SPPL3: variants seen among roughly 807,000 people sequenced by gnomAD.
SPPL3 encodes the protein signal peptide peptidase-like 3.
A neutral mutation model predicts 42.4 loss-of-function variants in SPPL3; 5 were observed. That is an observed-to-expected ratio of 0.12 (90% CI 0.06 to 0.25). The LOEUF (loss-of-function observed/expected upper bound fraction) is 0.25, where lower values mean the gene tolerates loss of function less well. SPPL3 is among the 10% of genes least tolerant of loss of function. SPPL3 has a pLI of 1.00. For missense variants in SPPL3, 235 were observed against 489.0 expected, an observed-to-expected ratio of 0.48 and a Z score of 4.90; for synonymous variants, 195 against 181.8, an observed-to-expected ratio of 1.07 and a Z score of -0.58.
chr12:120,850,661 G>A (rs1872193737), intron 1 of SPPL3, among the ~76,000 whole-genome samples: 1 of 152,220 alleles, frequency 6.6e-6, no homozygotes, highest in Non-Finnish European at 1.5e-5. Flanking sequence ...TACTGCTGCT[G>A]TAGAAATTAC....
intron 2 of SPPL3, among the ~76,000 whole-genome samples, chr12:120,803,973 C>A (rs955028822): frequency 5.9e-5 from 9 of 152,118 alleles, no homozygotes; most frequent in Admixed American, 2.0e-4. Flanking sequence ...CATGGTCTAA[C>A]TACAATTATA....
intron 1 of SPPL3, among the ~76,000 whole-genome samples, chr12:120,853,744 A>T (rs553192756): frequency 6.6e-6 from 1 of 152,272 alleles, no homozygotes; most frequent in Admixed American, 6.5e-5. Context: ...AGAGCCAAGC[A>T]TTCATAAATT....
At position 120,764,603 on chromosome 12, in the gene SPPL3, C is replaced by G. The variant is rs774629890; in HGVS notation, c.*396G>C. 1 of 341,876 alleles carries G rather than the reference C, an allele frequency of 2.9e-6. No individual in the cohort carries two copies. 21.2% of individuals were successfully genotyped at this position (341,876 alleles called of 1,614,324 possible). On this transcript the variant is annotated 3_prime_UTR_variant, in exon 11 of 11. Transcript: ENST00000353487. ...AGTTCTCGAGGGGTCATTGAAGAAA[C>G]TTCGGTTTGCTAATTTTTTTCATCC... is the stretch of plus-strand genomic sequence containing the variant.
chr12:120,813,340 G>A (rs1361927439), intron 1 of SPPL3, among the ~76,000 whole-genome samples: 1 of 143,206 alleles, frequency 7.0e-6, no homozygotes, highest in Non-Finnish European at 1.5e-5. Context: ...TTTTTGAGAC[G>A]GAGTTTCACT....
At chr12:120,842,198 G>T (rs965869908) in intron 1 of SPPL3, among the ~76,000 whole-genome samples, 2 of 152,128 alleles carry the variant, frequency 1.3e-5, no homozygotes, top group African/African-American at 4.8e-5. Flanking sequence ...TAGAAAGTTG[G>T]CATTTTTTAG....
intron 2 of SPPL3, among the ~76,000 whole-genome samples, chr12:120,798,134 G>A (rs1278039014): frequency 6.6e-6 from 1 of 152,128 alleles, no homozygotes; most frequent in African/African-American, 2.4e-5. Context: ...AAAACACAGC[G>A]ACTTTTAGAT....
rs150976149 is a variant in SPPL3, at chr12:120,783,015, T to C, written c.390-248A>G. ...CATTTAGAAGTTTGAAGTGATAATA[T>C]TAACCTCTGGAAAAGCTAATAAGTA... On this transcript the variant is annotated intron_variant, in intron 5 of 10. Transcript: ENST00000353487. Among the ~76,000 whole-genome samples the C allele has an allele frequency of 8.6e-3, 1,310 of 152,314 alleles. 14 individuals carry two copies. The highest frequency in any genetic ancestry group is 0.029 in the African/African-American group (1,221 of 41,564).
At chr12:120,841,159 C>G (rs182273399) in intron 1 of SPPL3, among the ~76,000 whole-genome samples, 23 of 152,092 alleles carry the variant, frequency 1.5e-4, no homozygotes, top group African/African-American at 5.1e-4. Flanking sequence ...AACCCCATCT[C>G]TACTAAAAAT....
At chr12:120,862,356 G>C (rs1872637795) in intron 1 of SPPL3, among the ~76,000 whole-genome samples, 1 of 151,984 alleles carries the variant, frequency 6.6e-6, no homozygotes, top group Non-Finnish European at 1.5e-5. Flanking sequence ...TTACCCAAAG[G>C]TGTCACAGGC....
chr12:120,774,331 A>C (rs574787555), intron 6 of SPPL3, among the ~76,000 whole-genome samples: 3 of 152,162 alleles, frequency 2.0e-5, no homozygotes, highest in Non-Finnish European at 4.4e-5. Flanking sequence ...CTGTTCACAT[A>C]ATTTCCTGCC....
intron 1 of SPPL3, among the ~76,000 whole-genome samples, chr12:120,899,161 C>T (rs1310335352): frequency 6.6e-6 from 1 of 152,174 alleles, no homozygotes; most frequent in Non-Finnish European, 1.5e-5. Flanking sequence ...TAAGGAGAAT[C>T]TTGTAGTTAA....
In SPPL3 at chr12:120,764,186, G is replaced by C. The variant is rs1422402823; in HGVS notation, c.*813C>G. The C allele has an allele frequency of 6.6e-6, 1 of 152,328 alleles. No homozygotes were observed. The highest frequency in any genetic ancestry group is 6.5e-5 in the Admixed American group (1 of 15,278). 9.4% of individuals were successfully genotyped at this position (152,328 alleles called of 1,614,324 possible). A position where few individuals can be genotyped will look rare whatever the true frequency, so the allele number is the denominator to read the frequency against. On this transcript the variant is annotated 3_prime_UTR_variant, in exon 11 of 11. Coordinates refer to ENST00000353487, the MANE Select transcript of SPPL3 (RefSeq NM_139015.5). ...TCAGTTGTGAAGGGGAAGGACAGCA[G>C]CTTATCCATATACAAGGAAGCCACA... is the stretch of plus-strand genomic sequence containing the variant.
chr12:120,875,598 T>TA (rs1233237556), intron 1 of SPPL3, among the ~76,000 whole-genome samples: 2 of 143,830 alleles, frequency 1.4e-5, no homozygotes, highest in African/African-American at 5.3e-5. Flanking sequence ...CACTGCCCTC[T>TA]AGCCTGGGCG....
At chr12:120,791,673 C>T in intron 2 of SPPL3, 116 bp from the exon 3 acceptor site, 1 of 680,648 alleles carries the variant, frequency 1.5e-6, no homozygotes, top group Non-Finnish European at 2.5e-6. Context: ...CTCTTTTGAA[C>T]AACTCTGAAA....
chr12:120,812,400 G>A (rs747266323), intron 1 of SPPL3, among the ~76,000 whole-genome samples: 5 of 152,148 alleles, frequency 3.3e-5, no homozygotes, highest in Non-Finnish European at 7.4e-5. Flanking sequence ...CCAAAGTGTT[G>A]GGATTACAGG....
chr12:120,769,082 C>T (rs777019404), intron 6 of SPPL3, 23 bp from the exon 7 acceptor site: 5 of 1,573,342 alleles, frequency 3.2e-6, no homozygotes, highest in Non-Finnish European at 4.3e-6. Flanking sequence ...CAGGGTACAG[C>T]AGACAGCAGT....
chr12:120,862,279 T>G (rs995872247), intron 1 of SPPL3, among the ~76,000 whole-genome samples: 1 of 152,190 alleles, frequency 6.6e-6, no homozygotes, highest in Non-Finnish European at 1.5e-5. Flanking sequence ...AATGTGTGGG[T>G]TTTTTCCATG....
At chr12:120,871,532 C>A (rs1387223670) in intron 1 of SPPL3, among the ~76,000 whole-genome samples, 1 of 152,090 alleles carries the variant, frequency 6.6e-6, no homozygotes, top group Non-Finnish European at 1.5e-5. Context: ...ATGAGTGGAT[C>A]ATTTGAGGTC....
rs568276366 is a variant in SPPL3, at chr12:120,776,852, T to C, written c.502+5803A>G. On this transcript the variant is annotated intron_variant, in intron 6 of 10. Coordinates refer to ENST00000353487, the MANE Select transcript of SPPL3 (RefSeq NM_139015.5). ...GGATTACTGAGAAACTCAGACCACA[T>C]GGGGGACTGAGACTTCAAGGTAGTT... is the stretch of plus-strand genomic sequence containing the variant. Among the ~76,000 whole-genome samples the C allele has an allele frequency of 1.6e-3, 242 of 152,296 alleles. 1 individual carries two copies. Among genetic ancestry groups the C allele is most frequent in the African/African-American group, 2.2e-3 (90 of 41,566 alleles).
Sources: gnomAD v4.1 joint callset for allele counts (sites outside exome capture counted in the v4.1 genomes callset) on GRCh38, gnomAD v4.1.1 for gene constraint, MANE v1.5 for transcripts, NCBI Gene and HGNC (gene_info 2026-07-23, HGNC 2026-07-21) for gene names.